PLEKHM2: variants seen among roughly 807,000 people sequenced by gnomAD.
PLEKHM2 encodes pleckstrin homology domain-containing family M member 2.
PLEKHM2 carries 77 observed loss-of-function variants against 116.3 expected under a neutral mutation model. The observed-to-expected ratio is 0.66, with a 90% CI of 0.55 to 0.80. The LOEUF (loss-of-function observed/expected upper bound fraction) is 0.80. Ranked by LOEUF, PLEKHM2 falls within the 30% of genes least tolerant of loss-of-function variation. The pLI is 0.00. For synonymous variants in PLEKHM2, 562 were observed against 571.0 expected (o/e 0.98, Z 0.22); for missense variants, 1,183 against 1,354.9 (o/e 0.87, Z 1.99).
In PLEKHM2 at chr1:15,728,000, C is replaced by G. The variant is rs2068088709; in HGVS notation, c.1761-79C>G. On this transcript the variant is annotated intron_variant, in intron 9 of 19. Coordinates refer to ENST00000375799, the MANE Select transcript of PLEKHM2 (RefSeq NM_015164.4). This position sits in a 1 kb window ranked among gnomAD's most constrained non-coding sequence, Gnocchi z 7.5. ...TCCTAGTGGGAGGCGGAGGCACTACCCCCTGGCTCTGGGGTGGGGTGTGGC... is the reference window on the plus strand; with the variant it reads ...TCCTAGTGGGAGGCGGAGGCACTACGCCCTGGCTCTGGGGTGGGGTGTGGC... 1 of 1,302,682 alleles carries G rather than the reference C, an allele frequency of 7.7e-7. No homozygotes were observed. The highest frequency in any genetic ancestry group is 1.1e-6 in the Non-Finnish European group (1 of 917,228). 80.7% of individuals were successfully genotyped at this position (1,302,682 alleles called of 1,614,324 possible).
At position 15,728,939 on chromosome 1, in the gene PLEKHM2, G is replaced by T. The variant is rs1029717544; in HGVS notation, c.1987-163G>T. 5.9e-5 allele frequency among the ~76,000 whole-genome samples: 9 copies of T among 152,212 alleles called. No individual in the cohort carries two copies. Among genetic ancestry groups the T allele is most frequent in the African/African-American group, 2.2e-4 (9 of 41,458 alleles). ...CTCTTCCCGTGCTAGACTTCTGACC[G>T]TCCCTCCCTCACTCATGCCAGCCCC... On this transcript the variant is annotated intron_variant, in intron 12 of 19. Transcript: ENST00000375799. This position sits in a 1 kb window ranked among gnomAD's most constrained non-coding sequence, Gnocchi z 5.9.
At chr1:15,715,438 T>G (rs542803917) in intron 1 of PLEKHM2, among the ~76,000 whole-genome samples, 1 of 152,262 alleles carries the variant, frequency 6.6e-6, no homozygotes, top group South Asian at 2.1e-4. Flanking sequence ...GGTCAGGAGC[T>G]TGAGACCAGC....
At chr1:15,715,213 G>C (rs1348303999) in intron 1 of PLEKHM2, among the ~76,000 whole-genome samples, 1 of 152,228 alleles carries the variant, frequency 6.6e-6, no homozygotes, top group Non-Finnish European at 1.5e-5. Flanking sequence ...TCGGCCCTTA[G>C]TATATGCAGA....
intron 19 of PLEKHM2, among the ~76,000 whole-genome samples, chr1:15,733,374 C>T (rs1455043514): frequency 6.6e-6 from 1 of 152,268 alleles, no homozygotes; most frequent in Non-Finnish European, 1.5e-5. Flanking sequence ...GTACCCTCTT[C>T]CTTGCCCTCC....
chr1:15,685,003 C>T (rs1357858289), intron 1 of PLEKHM2, among the ~76,000 whole-genome samples: 1 of 152,244 alleles, frequency 6.6e-6, no homozygotes, highest in African/African-American at 2.4e-5. Context: ...GCCAGGCTGG[C>T]GTCGCCCAGG....
chr1:15,701,633 CA>C (rs1191857638), intron 1 of PLEKHM2, among the ~76,000 whole-genome samples: 2 of 151,154 alleles, frequency 1.3e-5, no homozygotes, highest in Non-Finnish European at 3.0e-5. Context: ...ACTAAAAATA[CA>C]AAAAAAATTA....
At chr1:15,688,719 C>G (rs910379149) in intron 1 of PLEKHM2, among the ~76,000 whole-genome samples, 3 of 151,552 alleles carry the variant, frequency 2.0e-5, no homozygotes, top group African/African-American at 7.3e-5. Flanking sequence ...AGAAAGGGAG[C>G]TAGTAGCAGA....
At chr1:15,710,044 G>A (rs1641299932) in intron 1 of PLEKHM2, among the ~76,000 whole-genome samples, 1 of 151,810 alleles carries the variant, frequency 6.6e-6, no homozygotes, top group Admixed American at 6.6e-5. Context: ...CTAACGTGGT[G>A]AAACCCCATC....
Position 15,686,647 on chromosome 1 carries a change from A to ATTTTTT in PLEKHM2, c.60+2029_60+2030insTTTTTT, listed in dbSNP as rs1361252513. Among the ~76,000 whole-genome samples the ATTTTTT allele has an allele frequency of 2.1e-3, 302 of 140,878 alleles. 9 individuals are homozygous for ATTTTTT. The highest frequency in any genetic ancestry group is 6.9e-3 in the African/African-American group (233 of 33,564). 92.4% of individuals were successfully genotyped at this position (140,878 alleles called of 152,430 possible). A position where few individuals can be genotyped will look rare whatever the true frequency, so the allele number is the denominator to read the frequency against. On this transcript the variant is annotated intron_variant, in intron 1 of 19. Coordinates refer to ENST00000375799, the MANE Select transcript of PLEKHM2 (RefSeq NM_015164.4). ...AGGTGTGCGCCACCACACCCGGCTA[A>ATTTTTT]ATTTTTTTTTTTTTTTTTTGAGACG...
chr1:15,709,530 C>T (rs1461966950), intron 1 of PLEKHM2, among the ~76,000 whole-genome samples: 3 of 152,022 alleles, frequency 2.0e-5, no homozygotes, highest in Non-Finnish European at 2.9e-5. Flanking sequence ...TCTAAATAGT[C>T]GTTTTATAAC....
At chr1:15,695,820 G>C (rs776554618) in intron 1 of PLEKHM2, among the ~76,000 whole-genome samples, 3 of 151,820 alleles carry the variant, frequency 2.0e-5, no homozygotes, top group African/African-American at 2.4e-5. Context: ...TTTGTTTTTT[G>C]AGACAGGGTC....
At position 15,725,631 on chromosome 1, in the gene PLEKHM2, C is replaced by A. The variant is rs1012288609; in HGVS notation, c.941+86C>A. On this transcript the variant is annotated intron_variant, in intron 8 of 19. Coordinates refer to ENST00000375799, the MANE Select transcript of PLEKHM2 (RefSeq NM_015164.4). ...GCATCAGCTGTTCATCCAGGGCAGACCGGGACACCCCCTGAGGGCAGTTGC... is the reference window on the plus strand; with the variant it reads ...GCATCAGCTGTTCATCCAGGGCAGAACGGGACACCCCCTGAGGGCAGTTGC... 9.2e-5 allele frequency: 88 copies of A among 958,388 alleles called. No homozygotes were observed. The African/African-American group carries it at 1.4e-3, about 15-fold the overall frequency. 59.4% of individuals were successfully genotyped at this position (958,388 alleles called of 1,614,324 possible). A position where few individuals can be genotyped will look rare whatever the true frequency, so the allele number is the denominator to read the frequency against.
chr1:15,705,675 TCTC>T (rs1641212085), intron 1 of PLEKHM2, among the ~76,000 whole-genome samples: 2 of 152,070 alleles, frequency 1.3e-5, no homozygotes, highest in Admixed American at 6.6e-5. Context: ...TCTGACCCCT[TCTC>T]CTGTCCTCTA....
chr1:15,711,581 C>T (rs1484499410), intron 1 of PLEKHM2, among the ~76,000 whole-genome samples: 1 of 149,690 alleles, frequency 6.7e-6, no homozygotes, highest in East Asian at 2.0e-4. Context: ...TGTGCCAGTG[C>T]ACTCCAGCCT....
chr1:15,684,907 C>T (rs1557636185), intron 1 of PLEKHM2, among the ~76,000 whole-genome samples: 1 of 152,070 alleles, frequency 6.6e-6, no homozygotes, highest in African/African-American at 2.4e-5. Flanking sequence ...CCTCCGGTCC[C>T]CCACTGGGGC....
At chr1:15,690,633 G>A (rs1032473351) in intron 1 of PLEKHM2, among the ~76,000 whole-genome samples, 4 of 152,252 alleles carry the variant, frequency 2.6e-5, no homozygotes, top group African/African-American at 9.6e-5. Context: ...ATTACTTCCA[G>A]AGAAGTTGGT....
At chr1:15,687,767 C>G (rs192045600) in intron 1 of PLEKHM2, among the ~76,000 whole-genome samples, 2 of 152,290 alleles carry the variant, frequency 1.3e-5, no homozygotes, top group East Asian at 1.9e-4. Context: ...GGACAGCAGT[C>G]TTGGGGTCAG....
intron 1 of PLEKHM2, among the ~76,000 whole-genome samples, chr1:15,695,665 C>T (rs1250993037): frequency 6.6e-6 from 1 of 152,092 alleles, no homozygotes; most frequent in Non-Finnish European, 1.5e-5. Context: ...ATGCCCATCA[C>T]CACGCCTGGC....
At position 15,717,944 on chromosome 1, in the gene PLEKHM2, T is replaced by C. The variant is rs1199325395; in HGVS notation, c.329T>C (p.Leu110Pro). 5 of 1,600,684 alleles carry C rather than the reference T, an allele frequency of 3.1e-6. No individual in the cohort carries two copies. The highest frequency in any genetic ancestry group is 4.3e-6 in the Non-Finnish European group (5 of 1,173,524). ...AACGAGAACTCCTTGGAGAGCTACCTGCGGTTGTTCCAGGAGAACCTGGGC... is the reference window on the plus strand; with the variant it reads ...AACGAGAACTCCTTGGAGAGCTACCCGCGGTTGTTCCAGGAGAACCTGGGC... ...ALNENSLESY[L>P]RLFQENLGLL... The change falls in exon 4 of 20, where the codon CTG (leucine) becomes CCG (proline). Residue 110 changes from leucine to proline, a missense_variant. Coordinates refer to ENST00000375799, the MANE Select transcript of PLEKHM2 (RefSeq NM_015164.4).
Sources: gnomAD v4.1 joint callset for allele counts (sites outside exome capture counted in the v4.1 genomes callset) on GRCh38, gnomAD v4.1.1 for gene constraint, Gnocchi (gnomAD v3.1) non-coding constraint, MANE v1.5 for transcripts, NCBI Gene and HGNC (gene_info 2026-07-23, HGNC 2026-07-21) for gene names.